The following HACD3 variants were observed in gnomAD, a reference collection of about 807,000 sequenced individuals.
The protein encoded by HACD3 is 3-hydroxyacyl-CoA dehydratase 3.
A neutral mutation model predicts 55.2 loss-of-function variants in HACD3; 30 were observed. The ratio of observed to expected loss-of-function variants is 0.54; its 90% CI spans 0.41 to 0.74. The LOEUF is 0.74. Among genes scored for constraint, HACD3 ranks in the 30% least tolerant of loss-of-function variants. The pLI is 0.00. For missense variants in HACD3, 363 were observed against 440.1 expected, an observed-to-expected ratio of 0.82 and a Z score of 1.57; for synonymous variants, 141 against 151.7, an observed-to-expected ratio of 0.93 and a Z score of 0.52.
chr15:65,571,493 G>C, intron 8 of HACD3, 55 bp from the exon 9 acceptor site: 1 of 1,242,828 alleles, frequency 8.0e-7, no homozygotes, highest in South Asian at 1.3e-5. Flanking sequence ...ATATTCTAAG[G>C]TTGCATTCGG....
At chr15:65,572,112 A>C (rs2072353949) in intron 9 of HACD3, 123 bp from the exon 10 acceptor site, 4 of 1,246,390 alleles carry the variant, frequency 3.2e-6, no homozygotes, top group Non-Finnish European at 4.6e-6. Flanking sequence ...TTCTGTACAA[A>C]GGGAGGAGAA....
At position 65,530,721 on chromosome 15, in the gene HACD3, A is replaced by G. The variant is rs1317103438; in HGVS notation, c.87+3A>G. The G allele has an allele frequency of 1.1e-5, 17 of 1,551,700 alleles. No individual in the cohort carries two copies. The highest frequency in any genetic ancestry group is 1.5e-5 in the Non-Finnish European group (17 of 1,149,298). On this transcript the variant is annotated splice_donor_region_variant and intron_variant, in intron 1 of 10. Coordinates refer to ENST00000261875, the MANE Select transcript of HACD3 (RefSeq NM_016395.4). ...GCGTGGAGCTGAGTGACGTACAGGT[A>G]AAGGCCGGGTCGGGCGGCGGGAAGC...
intron 6 of HACD3, among the ~76,000 whole-genome samples, chr15:65,563,822 T>C (rs2072265875): frequency 6.6e-6 from 1 of 152,052 alleles, no homozygotes; most frequent in Admixed American, 6.6e-5. Flanking sequence ...TTACAAAAAT[T>C]AGCTGGGCAT....
chr15:65,532,178 T>G (rs1477430066), intron 1 of HACD3, among the ~76,000 whole-genome samples: 1 of 152,186 alleles, frequency 6.6e-6, no homozygotes, highest in Admixed American at 6.5e-5. Flanking sequence ...AGACTGAGGC[T>G]ATACTTTTGG....
At chr15:65,564,517 G>A (rs899823850) in intron 7 of HACD3, 175 bp downstream of exon 7, 10 of 811,490 alleles carry the variant, frequency 1.2e-5, no homozygotes, top group Middle Eastern at 3.8e-4. Context: ...AAGGTCTCAC[G>A]ATCATGGTGG....
At position 65,576,678 on chromosome 15, in the gene HACD3, T is replaced by C. The variant is rs1023472373; in HGVS notation, c.*299T>C. ...CAGTCTGTCTAATACATGCCAGAGA[T>C]TTTTTTTTCAAAAAGTGCTTTATCC... On this transcript the variant is annotated 3_prime_UTR_variant, in exon 11 of 11. Coordinates refer to ENST00000261875, the MANE Select transcript of HACD3 (RefSeq NM_016395.4). The C allele has an allele frequency of 6.4e-6, 2 of 310,908 alleles. No homozygotes were observed. Among genetic ancestry groups the C allele is most frequent in the Non-Finnish European group, 1.2e-5 (2 of 169,620 alleles). 19.3% of individuals were successfully genotyped at this position (310,908 alleles called of 1,614,324 possible).
chr15:65,545,742 CCCG>C (rs2072070217), intron 1 of HACD3, among the ~76,000 whole-genome samples: 6 of 96,648 alleles, frequency 6.2e-5, no homozygotes, highest in Non-Finnish European at 1.4e-4. Context: ...GCGTGAGCCA[CCCG>C]TGGCCGATTC....
chr15:65,565,775 TAC>T (rs2072284743), intron 7 of HACD3: 1 of 152,278 alleles, frequency 6.6e-6, no homozygotes, highest in Non-Finnish European at 1.5e-5. Context: ...GGCTCCTTGC[TAC>T]TTGTGCAAAT....
chr15:65,550,170 C>T (rs889795088), intron 1 of HACD3, among the ~76,000 whole-genome samples: 4 of 152,062 alleles, frequency 2.6e-5, no homozygotes, highest in Non-Finnish European at 4.4e-5. Context: ...GGCAGATCAC[C>T]TGAGGTCAGG....
At chr15:65,551,883 A>G in intron 2 of HACD3, 165 bp downstream of exon 2, 3 of 676,040 alleles carry the variant, frequency 4.4e-6, no homozygotes, top group Non-Finnish European at 7.0e-6. Flanking sequence ...ATGATTAGAA[A>G]AGTCAAAGAA....
chr15:65,544,166 G>C (rs913312970), intron 1 of HACD3, among the ~76,000 whole-genome samples: 3 of 151,946 alleles, frequency 2.0e-5, no homozygotes, highest in African/African-American at 7.3e-5. Context: ...GACAGAGCGG[G>C]ACTCCATCTC....
At chr15:65,575,007 T>C (rs1037557103) in intron 10 of HACD3, among the ~76,000 whole-genome samples, 1 of 152,194 alleles carries the variant, frequency 6.6e-6, no homozygotes, top group Admixed American at 6.5e-5. Context: ...TTTTTTTGTG[T>C]TGTTTATATT....
chr15:65,549,678 A>C (rs1165078387), intron 1 of HACD3, among the ~76,000 whole-genome samples: 1 of 151,992 alleles, frequency 6.6e-6, no homozygotes, highest in Non-Finnish European at 1.5e-5. Flanking sequence ...TTCTCCATAA[A>C]CCGTATTTCA....
At chr15:65,542,205 G>A (rs920898612) in intron 1 of HACD3, among the ~76,000 whole-genome samples, 2 of 135,162 alleles carry the variant, frequency 1.5e-5, no homozygotes, top group Non-Finnish European at 3.1e-5. Context: ...CTCCAGCCTG[G>A]CGACAGAGTG....
At chr15:65,561,908 G>A (rs1470770033) in intron 5 of HACD3, among the ~76,000 whole-genome samples, 1 of 152,170 alleles carries the variant, frequency 6.6e-6, no homozygotes, top group African/African-American at 2.4e-5. Context: ...ATTTGCTAGC[G>A]TGGCTCCACA....
At chr15:65,539,307 G>A (rs1247337766) in intron 1 of HACD3, among the ~76,000 whole-genome samples, 2 of 135,442 alleles carry the variant, frequency 1.5e-5, no homozygotes, top group East Asian at 2.3e-4. Flanking sequence ...TGCAATCTCC[G>A]CCTCCTGGGC....
chr15:65,531,559 CT>C (rs67128627), intron 1 of HACD3: 129,918 of 151,590 alleles, frequency 0.86, 57,065 homozygotes, highest in East Asian at 0.95. Context: ...TTCTTTCTTT[CT>C]TTTTTTTTCT....
At position 65,554,773 on chromosome 15, in the gene HACD3, T is replaced by TA; in HGVS notation, c.131-114_131-113insA. 4.5e-6 allele frequency: 3 copies of TA among 673,870 alleles called. No individual in the cohort carries two copies. In the African/African-American group the frequency reaches 5.5e-5, roughly 12 times the overall value. 41.7% of individuals were successfully genotyped at this position (673,870 alleles called of 1,614,324 possible). On this transcript the variant is annotated intron_variant, in intron 2 of 10. Transcript: ENST00000261875. ...CTGGGCAACAGAGCAAGACTCTGTC[T>TA]CAAAAAAAAAAAAGTGTAATATTCG...
At position 65,530,563 on chromosome 15, in the gene HACD3, C is replaced by T. The variant is rs549248711; in HGVS notation, c.-69C>T. On this transcript the variant is annotated 5_prime_UTR_variant, in exon 1 of 11. Transcript: ENST00000261875. ...TTTGAGGCCTGCTTTCTGCTCGCGC[C>T]AGCAGAGCACTACCTGAGGCAGCGA... The T allele has an allele frequency of 1.1e-5, 16 of 1,412,838 alleles. No individual in the cohort carries two copies. In the South Asian group the frequency reaches 1.5e-4, roughly 13 times the overall value. 87.5% of individuals were successfully genotyped at this position (1,412,838 alleles called of 1,614,324 possible).
Sources: allele counts gnomAD v4.1 joint callset (sites outside exome capture counted in the v4.1 genomes callset), GRCh38; gene constraint gnomAD v4.1.1; transcripts MANE v1.5; gene names NCBI Gene and HGNC (gene_info 2026-07-23, HGNC 2026-07-21).